The following CTPS2 variants were observed in gnomAD, a reference collection of about 807,000 sequenced individuals.
The protein encoded by CTPS2 is CTP synthase 2, also known as CTP synthase II.
CTPS2 carries 19 observed loss-of-function variants against 46.8 expected under a neutral mutation model. The ratio of observed to expected loss-of-function variants is 0.41; its 90% CI spans 0.28 to 0.60. CTPS2 has a LOEUF of 0.60. Among genes scored for constraint, CTPS2 ranks in the 20% least tolerant of loss-of-function variants. CTPS2 has a pLI of 0.35. For missense variants in CTPS2, 286 were observed against 447.6 expected, an observed-to-expected ratio of 0.64 and a Z score of 3.26; for synonymous variants, 151 against 165.2, an observed-to-expected ratio of 0.91 and a Z score of 0.66.
intron 18 of CTPS2, 74 bp downstream of exon 18, chrX:16,590,678 T>A: frequency 1.8e-6 from 1 of 556,337 alleles, no homozygotes; most frequent in Non-Finnish European, 3.0e-6. Context: ...GCGAGTCCTA[T>A]AATACCCGCC....
chrX:16,626,056 C>T, intron 14 of CTPS2, among the ~76,000 whole-genome samples: 1 of 111,301 alleles, frequency 9.0e-6, no homozygotes, highest in Non-Finnish European at 1.9e-5. Context: ...GGTCTCCTGT[C>T]CATATCATCT....
In CTPS2 at chrX:16,702,739, T is replaced by A; in HGVS notation, c.164A>T (p.His55Leu). 8.3e-7 allele frequency: 1 copy of A among 1,209,780 alleles called. No individual in the cohort carries two copies. The highest frequency in any genetic ancestry group is 1.1e-6 in the Non-Finnish European group (1 of 893,825). ...IDAGTFSPYEHGEVFVLNDGG... is the reference protein window; with the variant it reads ...IDAGTFSPYELGEVFVLNDGG... ...GGGGAAGTGGTTCACTTTCGTACCG[T>A]GTTCATAAGGTGAAAAAGTGCCAGC... Residue 55 changes from histidine to leucine, a missense_variant and splice_region_variant, in exon 2 of 19, where the codon CAC becomes CTC. Physicochemically the swap from His to Leu is moderately conservative, Grantham distance 99 (BLOSUM62 -3). Transcript: ENST00000359276.
At chrX:16,675,468 T>C (rs969816849) in intron 10 of CTPS2, among the ~76,000 whole-genome samples, 16 of 111,850 alleles carry the variant, frequency 1.4e-4, no homozygotes, top group Admixed American at 2.9e-4. Context: ...AAATATGAAA[T>C]GGTGTTTGGC....
chrX:16,657,042 A>T (rs781147817), intron 13 of CTPS2, among the ~76,000 whole-genome samples: 5 of 107,973 alleles, frequency 4.6e-5, no homozygotes, highest in Non-Finnish European at 9.6e-5. Context: ...TGCCACCATG[A>T]CTGGCTAATT....
chrX:16,675,773 T>C lies in CTPS2; in HGVS notation c.1094+2589A>G, dbSNP rs1443164438. ...TCTTAAATGCAAGTTTCTGATAACTTTGGAGATTGTGACAGCAGAATAGAG... is the reference window on the plus strand; with the variant it reads ...TCTTAAATGCAAGTTTCTGATAACTCTGGAGATTGTGACAGCAGAATAGAG... On this transcript the variant is annotated intron_variant, in intron 10 of 18. Coordinates refer to ENST00000359276, the MANE Select transcript of CTPS2 (RefSeq NM_175859.3). Among the ~76,000 whole-genome samples, 4 of 111,825 alleles carry C rather than the reference T, an allele frequency of 3.6e-5. No homozygotes were observed. The East Asian group carries it at 1.1e-3, about 31-fold the overall frequency.
intron 1 of CTPS2, among the ~76,000 whole-genome samples, chrX:16,706,639 T>A (rs1925033718): frequency 9.0e-6 from 1 of 110,882 alleles, no homozygotes; most frequent in Non-Finnish European, 1.9e-5. Context: ...GGCGGGTGGA[T>A]CACCTGAGGT....
intron 4 of CTPS2, among the ~76,000 whole-genome samples, 155 bp downstream of exon 4, chrX:16,698,077 AAGAC>A (rs1454742854): frequency 2.7e-5 from 3 of 111,815 alleles, no homozygotes; most frequent in African/African-American, 6.5e-5. Context: ...TGTGACCACA[AAGAC>A]AGAAGCCATC....
rs1298051750 is a variant in CTPS2 at position 16,689,609 on chromosome X, G to A, written c.721-8C>T. 5.0e-6 allele frequency: 6 copies of A among 1,192,084 alleles called. No individual in the cohort carries two copies. The highest frequency in any genetic ancestry group is 6.8e-6 in the Non-Finnish European group (6 of 884,781). On this transcript the variant is annotated splice_polypyrimidine_tract_variant and splice_region_variant and intron_variant, in intron 7 of 18. Coordinates refer to ENST00000359276, the MANE Select transcript of CTPS2 (RefSeq NM_175859.3). ...ATCATGGATACATATGACCTAAGTG[G>A]CGATGAGAAATCACCATACTTAGAT...
intron 11 of CTPS2, among the ~76,000 whole-genome samples, 189 bp from the exon 12 acceptor site, chrX:16,667,913 C>T (rs1014175051): frequency 2.8e-5 from 3 of 107,690 alleles, no homozygotes; most frequent in Non-Finnish European, 5.7e-5. Context: ...GGGGCTTAGA[C>T]TATCATGAAG....
intron 14 of CTPS2, among the ~76,000 whole-genome samples, chrX:16,636,125 C>T (rs748002750): frequency 1.1e-3 from 129 of 112,244 alleles, no homozygotes; most frequent in African/African-American, 4.0e-3. Flanking sequence ...ACAGACCAGG[C>T]ATGGTGGCTC....
chrX:16,680,393 T>C (rs1162562113), intron 9 of CTPS2, among the ~76,000 whole-genome samples: 2 of 108,836 alleles, frequency 1.8e-5, no homozygotes, highest in African/African-American at 6.7e-5. Context: ...ACCCTGTCTC[T>C]ACTAAAAATA....
At chrX:16,606,638 T>C (rs762246307) in intron 17 of CTPS2, among the ~76,000 whole-genome samples, 10 of 112,176 alleles carry the variant, frequency 8.9e-5, no homozygotes, top group Admixed American at 1.9e-4. Context: ...GGAAGCCTAC[T>C]AGTCAGCTAT....
chrX:16,657,456 C>T (rs1189052033), intron 13 of CTPS2, among the ~76,000 whole-genome samples: 3 of 110,088 alleles, frequency 2.7e-5, no homozygotes, highest in African/African-American at 3.3e-5. Context: ...GAACTGGGCA[C>T]GAGATGAGTA....
chrX:16,707,647 G>A (rs187541142), intron 1 of CTPS2, among the ~76,000 whole-genome samples: 37 of 111,660 alleles, frequency 3.3e-4, no homozygotes, highest in Non-Finnish European at 5.6e-5. Flanking sequence ...CTGCACTCCA[G>A]CCTGGGTGAC....
intron 15 of CTPS2, among the ~76,000 whole-genome samples, chrX:16,619,511 G>C (rs993491985): frequency 9.0e-6 from 1 of 111,276 alleles, no homozygotes; most frequent in Non-Finnish European, 1.9e-5. Flanking sequence ...GGACGAAGCA[G>C]ACACACAGAC....
chrX:16,636,755 T>G (rs778859299), intron 14 of CTPS2, among the ~76,000 whole-genome samples: 5 of 109,091 alleles, frequency 4.6e-5, no homozygotes, highest in African/African-American at 1.7e-4. Context: ...AAACCCCATC[T>G]CTACTAAAAA....
In CTPS2 at chrX:16,589,464, A is replaced by G. The variant is rs1470931944; in HGVS notation, c.*353T>C. The G allele has an allele frequency of 2.7e-5, 3 of 112,420 alleles. No homozygotes were observed. The highest frequency in any genetic ancestry group is 9.7e-5 in the African/African-American group (3 of 30,959). The allele number at this position is 112,420 out of a possible 1,213,427, so 9.3% of individuals were successfully genotyped here. On this transcript the variant is annotated 3_prime_UTR_variant, in exon 19 of 19. Coordinates refer to ENST00000359276, the MANE Select transcript of CTPS2 (RefSeq NM_175859.3). ...CCCTGCCATCCTTTCCATACAACAC[A>G]GCAAAGGCACAGTGACCTGGACTCT... is the stretch of plus-strand genomic sequence containing the variant.
At chrX:16,640,385 C>T (rs1406661193) in intron 13 of CTPS2, among the ~76,000 whole-genome samples, 3 of 111,307 alleles carry the variant, frequency 2.7e-5, no homozygotes, top group Non-Finnish European at 5.6e-5. Flanking sequence ...ACATCAGCCA[C>T]TCCAGGAGCT....
intron 17 of CTPS2, among the ~76,000 whole-genome samples, chrX:16,598,861 T>C (rs1473842914): frequency 2.7e-5 from 3 of 111,658 alleles, no homozygotes; most frequent in Non-Finnish European, 5.6e-5. Context: ...TTATCCACCA[T>C]GATCAAGTGG....
Sources: allele counts gnomAD v4.1 joint callset (sites outside exome capture counted in the v4.1 genomes callset), GRCh38; gene constraint gnomAD v4.1.1; transcripts MANE v1.5; gene names NCBI Gene and HGNC (gene_info 2026-07-23, HGNC 2026-07-21).